The following CLU variants were observed in gnomAD, a reference collection of about 807,000 sequenced individuals.
CLU encodes aging-associated protein 4.
CLU carries 25 observed loss-of-function variants against 46.4 expected under a neutral mutation model. The observed-to-expected ratio is 0.54, with a 90% CI of 0.39 to 0.75. The LOEUF (loss-of-function observed/expected upper bound fraction) is 0.75. Among genes scored for constraint, CLU ranks in the 30% least tolerant of loss-of-function variants. The pLI, the probability that CLU is intolerant of heterozygous loss-of-function variation, is 0.00. For missense variants in CLU, 504 were observed against 592.1 expected, an observed-to-expected ratio of 0.85 and a Z score of 1.54; for synonymous variants, 235 against 235.1, an observed-to-expected ratio of 1.00 and a Z score of 0.00.
chr8:27,597,871 A>G lies in CLU; in HGVS notation c.*370T>C, dbSNP rs1199238609. 2 of 503,346 alleles carry G rather than the reference A, an allele frequency of 4.0e-6. No individual in the cohort carries two copies. Among genetic ancestry groups the G allele is most frequent in the Non-Finnish European group, 7.7e-6 (2 of 260,116 alleles). The allele number at this position is 503,346 out of a possible 1,614,324, so 31.2% of individuals were successfully genotyped here. A position where few individuals can be genotyped will look rare whatever the true frequency, so the allele number is the denominator to read the frequency against. On this transcript the variant is annotated 3_prime_UTR_variant, in exon 9 of 9. Transcript: ENST00000316403. ...ATTCTTCACTGGTATGACAGTCCCT[A>G]TACCATCTTAGCCACTGCTTTTTTG...
chr8:27,611,599 A>C (rs987530256), intron 1 of CLU: 1 of 456,182 alleles, frequency 2.2e-6, no homozygotes, highest in African/African-American at 2.0e-5. Context: ...ATCTGAGCTC[A>C]CCCATTTGCC....
chr8:27,614,590 C>G, intron 1 of CLU, 65 bp downstream of exon 1: 1 of 458,954 alleles, frequency 2.2e-6, no homozygotes, highest in South Asian at 1.6e-5. Flanking sequence ...TGGCTGCCAT[C>G]CCCTGCCCGC....
At position 27,598,686 on chromosome 8, in the gene CLU, C is replaced by A. The variant is rs368587116; in HGVS notation, c.1165-51G>T. ...GAGCTGAAACACTGTGGTCAAAATG[C>A]ATGCGCTCTGCAACAGAAGTCAGGC... On this transcript the variant is annotated intron_variant, in intron 7 of 8. Coordinates refer to ENST00000316403, the MANE Select transcript of CLU (RefSeq NM_001831.4). 1.9e-6 allele frequency: 3 copies of A among 1,568,270 alleles called. No homozygotes were observed. The Middle Eastern group carries it at 5.0e-4, about 263-fold the overall frequency.
chr8:27,604,141 G>C (rs933127763), intron 6 of CLU, 150 bp downstream of exon 6: 111 of 686,872 alleles, frequency 1.6e-4, no homozygotes, highest in Admixed American at 2.9e-4. Context: ...TGAGGCTCAG[G>C]ACCTGCCCCG....
intron 3 of CLU, among the ~76,000 whole-genome samples, chr8:27,607,641 G>A (rs1342805862): frequency 6.6e-6 from 1 of 151,818 alleles, no homozygotes; most frequent in Admixed American, 6.6e-5. Flanking sequence ...AGGAAAAATA[G>A]ATCAAATGTT....
intron 1 of CLU, chr8:27,614,444 C>T (rs922430833): frequency 6.2e-6 from 2 of 321,418 alleles, no homozygotes; most frequent in Non-Finnish European, 1.2e-5. Flanking sequence ...AGCTCGTGCT[C>T]TCAGGCGGCG....
intron 1 of CLU, among the ~76,000 whole-genome samples, chr8:27,613,255 C>A (rs1800960824): frequency 6.6e-6 from 1 of 152,100 alleles, no homozygotes; most frequent in South Asian, 2.1e-4. Flanking sequence ...GATGTAGCAG[C>A]ATGCGCCTGT....
intron 4 of CLU, 128 bp downstream of exon 4, chr8:27,606,226 A>G: frequency 9.8e-7 from 1 of 1,015,834 alleles, no homozygotes; most frequent in Non-Finnish European, 1.5e-6. Flanking sequence ...TTACCAATGG[A>G]GCATGGCACT....
intron 1 of CLU, among the ~76,000 whole-genome samples, chr8:27,613,162 G>A (rs1036701659): frequency 2.6e-5 from 4 of 152,128 alleles, no homozygotes; most frequent in South Asian, 4.1e-4. Flanking sequence ...CAAGACAGGC[G>A]GATTACTTGA....
chr8:27,614,688 C>T lies in CLU; in HGVS notation c.-63G>A, dbSNP rs754063166. The T allele has an allele frequency of 5.6e-6, 3 of 533,254 alleles. No homozygotes were observed. Among genetic ancestry groups the T allele is most frequent in the Non-Finnish European group, 1.2e-5 (3 of 259,168 alleles). 33.0% of individuals were successfully genotyped at this position (533,254 alleles called of 1,614,324 possible). On this transcript the variant is annotated 5_prime_UTR_variant, in exon 1 of 9. Transcript: ENST00000316403. Reference sequence around the variant, plus strand: ...GGCACCCTGTGCCCGCGCGCTCCTCCTGGCGACGCCGCGTTGTGGGCACTG... The same window carrying T: ...GGCACCCTGTGCCCGCGCGCTCCTCTTGGCGACGCCGCGTTGTGGGCACTG...
Position 27,605,194 on chromosome 8 carries a change from T to C in CLU, c.559A>G (p.Ile187Val). Residue 187 changes from isoleucine to valine, a missense_variant, in exon 5 of 9, where the codon ATA becomes GTA. This residue lies in a region of CLU where 428 missense variants were observed against 484.0 expected (regional missense o/e 0.88). Coordinates refer to ENST00000316403, the MANE Select transcript of CLU (RefSeq NM_001831.4). ...QDHFSRASSI[I>V]DELFQDRFFT... ...AACCTGTCCTGGAAGAGCTCGTCTATGATGCTGGACGCGCGGCTGAAGTGG... is the reference window on the plus strand; with the variant it reads ...AACCTGTCCTGGAAGAGCTCGTCTACGATGCTGGACGCGCGGCTGAAGTGG... The C allele has an allele frequency of 6.2e-7, 1 of 1,614,194 alleles. No individual in the cohort carries two copies. The highest frequency in any genetic ancestry group is 8.5e-7 in the Non-Finnish European group (1 of 1,180,026).
chr8:27,607,269 G>A (rs1451015315), intron 3 of CLU, among the ~76,000 whole-genome samples: 2 of 152,044 alleles, frequency 1.3e-5, no homozygotes, highest in South Asian at 2.1e-4. Context: ...CCTGGGAGGC[G>A]GAGGTTGTAG....
At position 27,610,481 on chromosome 8, in the gene CLU, G is replaced by T. The variant is rs1800903305; in HGVS notation, c.91C>A (p.Leu31Ile). 6.2e-7 allele frequency: 1 copy of T among 1,613,478 alleles called. No homozygotes were observed. The highest frequency in any genetic ancestry group is 1.7e-5 in the Admixed American group (1 of 60,024). The stretch of plus-strand genomic sequence containing the variant: ...TCATGCTTGGTCTACTCACCCTGGA[G>T]CTCATTGTCTGAGACCGTCTGGTCC... ...LGDQTVSDNE[L>I]QEMSNQGSKY... Residue 31 changes from leucine to isoleucine, a missense_variant, in exon 2 of 9, where the codon CTC becomes ATC. By Grantham distance (5) the Leu-to-Ile change is conservative (BLOSUM62 2). This residue lies in a region of CLU where 73 missense variants were observed against 91.2 expected (regional missense o/e 0.80). Transcript: ENST00000316403.
chr8:27,603,430 G>C (rs984633472), intron 6 of CLU, among the ~76,000 whole-genome samples: 2 of 152,196 alleles, frequency 1.3e-5, no homozygotes, highest in African/African-American at 2.4e-5. Context: ...TAAGCATTAA[G>C]TAAGAGCAAA....
intron 1 of CLU, chr8:27,613,709 T>G (rs900816053): frequency 6.6e-6 from 1 of 152,244 alleles, no homozygotes; most frequent in African/African-American, 2.4e-5. Context: ...TTTATGGCTA[T>G]GTAATACTCC....
intron 1 of CLU, among the ~76,000 whole-genome samples, chr8:27,612,791 G>A (rs770859055): frequency 2.0e-4 from 31 of 151,870 alleles, no homozygotes; most frequent in Non-Finnish European, 4.0e-4. Context: ...GCCCTGGGTG[G>A]AAGAGCCATG....
rs771777403 is a variant in CLU, at chr8:27,597,488, G to A, written c.*753C>T. 1.1e-5 allele frequency: 5 copies of A among 454,126 alleles called. No individual in the cohort carries two copies. The highest frequency in any genetic ancestry group is 4.7e-5 in the South Asian group (3 of 64,482). 28.1% of individuals were successfully genotyped at this position (454,126 alleles called of 1,614,324 possible). ...CTGGGATGCTGAGCTCTTACAACTCGAAATCAACAGCTTTTACAAATAAAA... is the reference window on the plus strand; with the variant it reads ...CTGGGATGCTGAGCTCTTACAACTCAAAATCAACAGCTTTTACAAATAAAA... On this transcript the variant is annotated 3_prime_UTR_variant, in exon 9 of 9. Coordinates refer to ENST00000316403, the MANE Select transcript of CLU (RefSeq NM_001831.4).
At chr8:27,608,611 C>T (rs1398851186) in intron 3 of CLU, 14 of 505,980 alleles carry the variant, frequency 2.8e-5, no homozygotes, top group South Asian at 4.3e-5. Flanking sequence ...TTGGACGCCA[C>T]GCCTGTCTGG....
At chr8:27,604,872 C>T (rs992852047) in intron 5 of CLU, 52 bp downstream of exon 5, 100 of 1,597,362 alleles carry the variant, frequency 6.3e-5, no homozygotes, top group Non-Finnish European at 8.6e-5. Context: ...CGGCATGGTT[C>T]TCAGCATCTA....
Sources: allele counts gnomAD v4.1 joint callset (sites outside exome capture counted in the v4.1 genomes callset), GRCh38; gene constraint gnomAD v4.1.1; regional missense constraint gnomAD v4.1.1; transcripts MANE v1.5; gene names NCBI Gene and HGNC (gene_info 2026-07-23, HGNC 2026-07-21).